The following RBFOX1 variants were observed in gnomAD, a reference collection of about 807,000 sequenced individuals.
RBFOX1 encodes RNA binding fox-1 homolog 1.
A neutral mutation model predicts 57.7 loss-of-function variants in RBFOX1; 8 were observed. The ratio of observed to expected loss-of-function variants is 0.14; its 90% CI spans 0.08 to 0.25. The LOEUF (loss-of-function observed/expected upper bound fraction) is 0.25. RBFOX1 is among the 10% of genes least tolerant of loss of function. The pLI is 1.00. For synonymous variants in RBFOX1, 326 were observed against 222.4 expected (o/e 1.47, Z -4.15); for missense variants, 611 against 548.5 (o/e 1.11, Z -1.14).
In RBFOX1 at chr16:7,026,182, G is replaced by A. The variant is rs889009548; in HGVS notation, c.-15-25875G>A. ...TCTCCCTTAAACCCAACTTCTTGGG[G>A]CCTACTCTGAGGACATCAAGACCGT... On this transcript the variant is annotated intron_variant, in intron 3 of 15. Transcript: ENST00000550418. 2.0e-5 allele frequency among the ~76,000 whole-genome samples: 3 copies of A among 152,266 alleles called. No homozygotes were observed. In the South Asian group the frequency reaches 6.2e-4, roughly 32 times the overall value.
chr16:6,009,486 T>C (rs1276564064), intron 4 of RBFOX1, among the ~76,000 whole-genome samples: 2 of 152,182 alleles, frequency 1.3e-5, no homozygotes, highest in Non-Finnish European at 2.9e-5. Context: ...GACTTAGAAA[T>C]GGCACTTCCT....
At chr16:5,823,091 C>A (rs1378997303) in intron 3 of RBFOX1, among the ~76,000 whole-genome samples, 1 of 152,158 alleles carries the variant, frequency 6.6e-6, no homozygotes, top group Non-Finnish European at 1.5e-5. Flanking sequence ...TGGAACTTTT[C>A]CCTCTTAGCG....
chr16:6,952,231 AC>A (rs1568046902), intron 3 of RBFOX1, among the ~76,000 whole-genome samples: 1 of 152,214 alleles, frequency 6.6e-6, no homozygotes, highest in African/African-American at 2.4e-5. Context: ...AAAGAGTAGG[AC>A]CTTTCCCTGC....
intron 4 of RBFOX1, among the ~76,000 whole-genome samples, chr16:7,338,551 G>A (rs1270707013): frequency 2.0e-5 from 3 of 152,018 alleles, no homozygotes; most frequent in Non-Finnish European, 4.4e-5. Flanking sequence ...ACTATGCTCA[G>A]CTTTTTTAAA....
chr16:5,248,730 C>G (rs905251275), intron 1 of RBFOX1, among the ~76,000 whole-genome samples: 1 of 152,144 alleles, frequency 6.6e-6, no homozygotes. Flanking sequence ...TGGCTCACAC[C>G]TGTAATCCCA....
At position 5,277,209 on chromosome 16, in the gene RBFOX1, G is replaced by A. The variant is rs1361924224; in HGVS notation, c.219+37104G>A. The stretch of plus-strand genomic sequence containing the variant: ...TTCTAAATGAAGTAACTCAGGAATG[G>A]AAAAACAAACATTGCATGTTCTCAC... On this transcript the variant is annotated intron_variant, in intron 1 of 2. Transcript: ENST00000585867. Among the ~76,000 whole-genome samples the A allele has an allele frequency of 2.0e-5, 3 of 152,154 alleles. No individual in the cohort carries two copies. In the East Asian group the frequency reaches 5.8e-4, roughly 29 times the overall value.
intron 1 of RBFOX1, among the ~76,000 whole-genome samples, chr16:5,363,276 C>G (rs1321297847): frequency 2.0e-5 from 3 of 151,692 alleles, no homozygotes; most frequent in Admixed American, 6.6e-5. Flanking sequence ...AACTCCTGGC[C>G]TCATGTGATC....
chr16:7,389,506 C>T (rs775655308), intron 4 of RBFOX1, among the ~76,000 whole-genome samples: 1 of 152,134 alleles, frequency 6.6e-6, no homozygotes, highest in African/African-American at 2.4e-5. Flanking sequence ...GTTCTGGACT[C>T]CAGGACCAAA....
At chr16:7,390,366 A>G (rs1244692781) in intron 4 of RBFOX1, among the ~76,000 whole-genome samples, 1 of 152,310 alleles carries the variant, frequency 6.6e-6, no homozygotes, top group Non-Finnish European at 1.5e-5. Context: ...CAAATCTGAG[A>G]GACACCCAAA....
At chr16:6,966,238 A>T (rs577298612) in intron 3 of RBFOX1, among the ~76,000 whole-genome samples, 1 of 152,250 alleles carries the variant, frequency 6.6e-6, no homozygotes, top group South Asian at 2.1e-4. Flanking sequence ...ATAGGGCCAC[A>T]TCCAGGGCCA....
intron 3 of RBFOX1, among the ~76,000 whole-genome samples, chr16:6,661,135 C>T (rs572447314): frequency 6.6e-6 from 1 of 152,230 alleles, no homozygotes; most frequent in Non-Finnish European, 1.5e-5. Context: ...GTTTTCTAAG[C>T]CAATCTGAAT....
chr16:5,922,916 G>A (rs1852632038), intron 4 of RBFOX1, among the ~76,000 whole-genome samples: 1 of 152,166 alleles, frequency 6.6e-6, no homozygotes, highest in Non-Finnish European at 1.5e-5. Flanking sequence ...TCCTGGATAT[G>A]CTCCCACACT....
At chr16:7,484,111 C>A (rs576721836) in intron 4 of RBFOX1, among the ~76,000 whole-genome samples, 15 of 152,198 alleles carry the variant, frequency 9.9e-5, no homozygotes, top group African/African-American at 2.9e-4. Context: ...TGTTTGAGTC[C>A]TTTCCCTGAG....
chr16:7,561,914 T>G (rs2090460508), intron 5 of RBFOX1, among the ~76,000 whole-genome samples: 1 of 152,184 alleles, frequency 6.6e-6, no homozygotes, highest in African/African-American at 2.4e-5. Context: ...AATTTAGGAT[T>G]TAGTACCAAA....
chr16:6,106,324 G>T (rs1441571767), intron 1 of RBFOX1, among the ~76,000 whole-genome samples: 2 of 151,714 alleles, frequency 1.3e-5, no homozygotes, highest in Non-Finnish European at 2.9e-5. Flanking sequence ...AGTCAGGCTT[G>T]ATGACAGGTG....
At position 7,684,561 on chromosome 16, in the gene RBFOX1, A is replaced by C. The variant is rs888043444; in HGVS notation, c.995+7723A>C. On this transcript the variant is annotated intron_variant, in intron 14 of 15. Coordinates refer to ENST00000550418, the MANE Select transcript of RBFOX1 (RefSeq NM_018723.4). ...TGCTTTGGCCTGAGATTATAGAAAT[A>C]TGCCACACATATGATAAGCTAAATC... 7.2e-5 allele frequency among the ~76,000 whole-genome samples: 11 copies of C among 152,170 alleles called. 1 individual carries two copies. In the Middle Eastern group the frequency reaches 0.01, roughly 141 times the overall value.
chr16:5,331,175 C>T (rs143669950), intron 1 of RBFOX1, among the ~76,000 whole-genome samples: 2 of 152,076 alleles, frequency 1.3e-5, no homozygotes, highest in African/African-American at 2.4e-5. Flanking sequence ...ATAGGGTAAG[C>T]CTGGAATTGG....
intron 2 of RBFOX1, among the ~76,000 whole-genome samples, chr16:5,484,658 A>G (rs2069662609): frequency 1.3e-5 from 2 of 152,148 alleles, no homozygotes; most frequent in Admixed American, 1.3e-4. Context: ...CACACCTGTA[A>G]TTCCAGCACT....
intron 5 of RBFOX1, among the ~76,000 whole-genome samples, chr16:7,575,431 C>T (rs1462209983): frequency 3.3e-5 from 5 of 152,094 alleles, no homozygotes; most frequent in Non-Finnish European, 7.3e-5. Flanking sequence ...CCGCACCCGA[C>T]CCTAGTATCG....
Sources: allele counts gnomAD v4.1 joint callset (sites outside exome capture counted in the v4.1 genomes callset), GRCh38; gene constraint gnomAD v4.1.1; transcripts MANE v1.5; gene names NCBI Gene and HGNC (gene_info 2026-07-23, HGNC 2026-07-21).